PAPPA: variants seen among roughly 807,000 people sequenced by gnomAD.
PAPPA encodes pappalysin-1.
Under a neutral mutation model 164.0 loss-of-function variants are expected in PAPPA, and 60 were observed. That is an observed-to-expected ratio of 0.37 (90% confidence interval 0.30 to 0.45). PAPPA has a LOEUF of 0.45. Among genes scored for constraint, PAPPA ranks in the 20% least tolerant of loss-of-function variants. The probability of loss-of-function intolerance (pLI) is 1.00; values close to 1 mark genes in which losing one functional copy is unlikely to be tolerated. For synonymous variants in PAPPA, 875 were observed against 814.1 expected, an observed-to-expected ratio of 1.07 and a Z score of -1.27; for missense variants, 1,782 against 2,087.3, an observed-to-expected ratio of 0.85 and a Z score of 2.85.
At chr9:116,306,244 G>A (rs1211397377) in intron 10 of PAPPA, among the ~76,000 whole-genome samples, 11 of 152,318 alleles carry the variant, frequency 7.2e-5, no homozygotes, top group African/African-American at 2.6e-4. Context: ...TTAGGAGTGA[G>A]AATTCTATCA....
chr9:116,216,161 G>C (rs1844369089), intron 4 of PAPPA, among the ~76,000 whole-genome samples: 1 of 152,124 alleles, frequency 6.6e-6, no homozygotes, highest in African/African-American at 2.4e-5. Flanking sequence ...AAAAGACAGA[G>C]AGTTTCACAC....
chr9:116,348,758 T>C (rs2118984893), intron 15 of PAPPA, among the ~76,000 whole-genome samples: 1 of 152,222 alleles, frequency 6.6e-6, no homozygotes, highest in South Asian at 2.1e-4. Context: ...GCAGTATTTG[T>C]TTTTTTGTTC....
At chr9:116,348,376 G>A (rs917965046) in intron 15 of PAPPA, among the ~76,000 whole-genome samples, 1 of 151,366 alleles carries the variant, frequency 6.6e-6, no homozygotes, top group Non-Finnish European at 1.5e-5. Context: ...CAAGCCAGGG[G>A]GTAAAGAGGT....
At chr9:116,381,309 C>T (rs1395449064) in intron 20 of PAPPA, among the ~76,000 whole-genome samples, 1 of 152,198 alleles carries the variant, frequency 6.6e-6, no homozygotes, top group Non-Finnish European at 1.5e-5. Flanking sequence ...TTACATTCCA[C>T]TTCAGAAACA....
intron 2 of PAPPA, among the ~76,000 whole-genome samples, chr9:116,205,522 C>T (rs1011562333): frequency 3.9e-5 from 6 of 152,140 alleles, no homozygotes; most frequent in African/African-American, 1.4e-4. Context: ...TTTTCATTCT[C>T]CTCCCATGCA....
intron 1 of PAPPA, among the ~76,000 whole-genome samples, chr9:116,178,544 TA>T (rs755199335): frequency 1.3e-5 from 2 of 152,230 alleles, no homozygotes; most frequent in Non-Finnish European, 2.9e-5. Flanking sequence ...ATTATCAGTT[TA>T]CATATGAGGA....
intron 1 of PAPPA, among the ~76,000 whole-genome samples, chr9:116,163,415 C>T (rs964891530): frequency 3.3e-5 from 5 of 152,032 alleles, no homozygotes; most frequent in East Asian, 3.9e-4. Context: ...CATGGTGTAT[C>T]GCAAAAGGAG....
intron 10 of PAPPA, among the ~76,000 whole-genome samples, chr9:116,310,144 G>A (rs1845697711): frequency 6.6e-6 from 1 of 152,196 alleles, no homozygotes; most frequent in Admixed American, 6.5e-5. Flanking sequence ...GAAATCCTGT[G>A]CTCTATACCC....
chr9:116,337,975 G>C (rs1050365666), intron 13 of PAPPA, among the ~76,000 whole-genome samples: 1 of 152,182 alleles, frequency 6.6e-6, no homozygotes, highest in African/African-American at 2.4e-5. Flanking sequence ...GTGGAAAGGA[G>C]AAAAGGTGGG....
intron 17 of PAPPA, among the ~76,000 whole-genome samples, chr9:116,358,938 G>T (rs749480586): frequency 1.7e-4 from 26 of 152,198 alleles, no homozygotes; most frequent in Non-Finnish European, 3.5e-4. Flanking sequence ...CGATTACAGA[G>T]CTCAGTATGT....
intron 1 of PAPPA, among the ~76,000 whole-genome samples, chr9:116,160,037 ATGT>A: frequency 6.6e-6 from 1 of 152,240 alleles, no homozygotes; most frequent in East Asian, 1.9e-4. Flanking sequence ...AAGGATTCTG[ATGT>A]TGTGGGTCTG....
At chr9:116,301,879 T>G (rs181944927) in intron 9 of PAPPA, among the ~76,000 whole-genome samples, 1 of 152,340 alleles carries the variant, frequency 6.6e-6, no homozygotes, top group Admixed American at 6.5e-5. Flanking sequence ...AGGAGACTTA[T>G]TCAAATTAAC....
chr9:116,255,552 A>G (rs1375214577), intron 7 of PAPPA, among the ~76,000 whole-genome samples: 2 of 152,018 alleles, frequency 1.3e-5, no homozygotes, highest in Non-Finnish European at 2.9e-5. Context: ...AAGAAATAAA[A>G]TAGAACTGGG....
chr9:116,312,547 T>C (rs926896162), intron 10 of PAPPA, among the ~76,000 whole-genome samples: 6 of 152,180 alleles, frequency 3.9e-5, no homozygotes, highest in African/African-American at 1.4e-4. Context: ...AAGTAAACTT[T>C]CTCAAGCCAG....
rs1470921968 is a variant in PAPPA, at chr9:116,311,846, G to GT, written c.3147+8897dup. 2.0e-5 allele frequency among the ~76,000 whole-genome samples: 3 copies of GT among 152,334 alleles called. No homozygotes were observed. The East Asian group carries it at 5.8e-4, about 29-fold the overall frequency. ...GAATCTGGAGAAGGAACAAAAATGT[G>GT]TAAGAGAGGAAAGCAAGGAAGGGAT... On this transcript the variant is annotated intron_variant, in intron 10 of 21. Transcript: ENST00000328252.
At chr9:116,299,117 G>A (rs72754248) in intron 9 of PAPPA, among the ~76,000 whole-genome samples, 8,308 of 152,094 alleles carry the variant, frequency 0.055, 358 homozygotes, top group Non-Finnish European at 0.072. Context: ...AAGGGCCCCC[G>A]GGACACTAAT....
chr9:116,219,801 C>G (rs1419726370), intron 4 of PAPPA, 136 bp from the exon 5 acceptor site: 7 of 647,638 alleles, frequency 1.1e-5, no homozygotes, highest in Middle Eastern at 4.3e-4. Context: ...CTCTTGAGAG[C>G]TGGAAGAGGC....
intron 10 of PAPPA, among the ~76,000 whole-genome samples, chr9:116,303,474 C>T (rs1173404652): frequency 5.9e-5 from 9 of 152,176 alleles, no homozygotes; most frequent in African/African-American, 2.2e-4. Context: ...TCCCCTAATG[C>T]ACTATTTATG....
chr9:116,394,971 G>C (rs1027018377), intron 21 of PAPPA, among the ~76,000 whole-genome samples: 1 of 152,134 alleles, frequency 6.6e-6, no homozygotes, highest in African/African-American at 2.4e-5. Flanking sequence ...AGAATTGGTG[G>C]GAGGATAGAC....
Sources: allele counts gnomAD v4.1 joint callset (sites outside exome capture counted in the v4.1 genomes callset), GRCh38; gene constraint gnomAD v4.1.1; transcripts MANE v1.5; gene names NCBI Gene and HGNC (gene_info 2026-07-23, HGNC 2026-07-21).